The following PTPRD variants were observed in gnomAD, a reference collection of about 807,000 sequenced individuals.
PTPRD encodes the protein receptor-type tyrosine-protein phosphatase delta.
In PTPRD, 34 loss-of-function variants were observed where a neutral mutation model predicts 214.5. The ratio of observed to expected loss-of-function variants is 0.16; its 90% CI spans 0.12 to 0.21. PTPRD has a LOEUF of 0.21. Among genes scored for constraint, PTPRD ranks in the 10% least tolerant of loss-of-function variants. The probability of loss-of-function intolerance (pLI) is 1.00; values close to 1 mark genes in which losing one functional copy is unlikely to be tolerated. For synonymous variants in PTPRD, 1,128 were observed against 845.7 expected, an observed-to-expected ratio of 1.33 and a Z score of -5.79; for missense variants, 2,545 against 2,398.7, an observed-to-expected ratio of 1.06 and a Z score of -1.27.
intron 3 of PTPRD, among the ~76,000 whole-genome samples, chr9:10,250,131 G>T (rs145084392): frequency 6.6e-6 from 1 of 152,182 alleles, no homozygotes; most frequent in African/African-American, 2.4e-5. Context: ...TGAGGATTAT[G>T]ATACCTTTAG....
At chr9:10,356,164 G>C (rs540295056) in intron 2 of PTPRD, among the ~76,000 whole-genome samples, 37 of 149,968 alleles carry the variant, frequency 2.5e-4, no homozygotes, top group African/African-American at 8.8e-4. Context: ...GCTCTGAACT[G>C]CCTGGCCACA....
chr9:8,420,623 G>C (rs772662030), intron 35 of PTPRD, among the ~76,000 whole-genome samples: 39 of 152,016 alleles, frequency 2.6e-4, no homozygotes, highest in Non-Finnish European at 4.7e-4. Flanking sequence ...AGCAGATGAA[G>C]ACTTAAGGAA....
intron 9 of PTPRD, among the ~76,000 whole-genome samples, chr9:9,187,950 A>G (rs553339381): frequency 2.8e-4 from 42 of 152,042 alleles, no homozygotes; most frequent in Non-Finnish European, 5.0e-4. Flanking sequence ...TAATGCACTT[A>G]TAGAAAAGTA....
intron 5 of PTPRD, among the ~76,000 whole-genome samples, chr9:9,789,296 G>C (rs1290293954): frequency 6.6e-6 from 1 of 152,212 alleles, no homozygotes; most frequent in African/African-American, 2.4e-5. Flanking sequence ...CTATAGGCAA[G>C]TTCCCGTAGC....
At chr9:8,694,728 T>C (rs1412239448) in intron 12 of PTPRD, among the ~76,000 whole-genome samples, 1 of 152,214 alleles carries the variant, frequency 6.6e-6, no homozygotes, top group Non-Finnish European at 1.5e-5. Flanking sequence ...ATATAATAAA[T>C]ACCTATTATT....
intron 3 of PTPRD, among the ~76,000 whole-genome samples, chr9:10,283,103 C>T (rs560230242): frequency 7.3e-5 from 11 of 151,458 alleles, no homozygotes; most frequent in African/African-American, 2.4e-4. Context: ...TACCATAATT[C>T]CTCAAAACCT....
At chr9:9,755,106 C>T (rs977504425) in intron 6 of PTPRD, among the ~76,000 whole-genome samples, 5 of 151,946 alleles carry the variant, frequency 3.3e-5, no homozygotes, top group Non-Finnish European at 7.4e-5. Flanking sequence ...GCATATTAAA[C>T]AAGATCTCCA....
chr9:9,894,649 C>A (rs2074431324), intron 5 of PTPRD, among the ~76,000 whole-genome samples: 1 of 152,092 alleles, frequency 6.6e-6, no homozygotes, highest in South Asian at 2.1e-4. Flanking sequence ...GCTTTTCTTC[C>A]TAAGAACTTT....
intron 4 of PTPRD, among the ~76,000 whole-genome samples, chr9:10,001,541 T>C (rs927469246): frequency 6.6e-6 from 1 of 152,064 alleles, no homozygotes; most frequent in Non-Finnish European, 1.5e-5. Flanking sequence ...TCACTGTCAA[T>C]AAGATTAAAA....
chr9:8,840,622 T>C (rs140791349), intron 11 of PTPRD, among the ~76,000 whole-genome samples: 20 of 152,346 alleles, frequency 1.3e-4, no homozygotes, highest in African/African-American at 4.6e-4. Flanking sequence ...TGGGATGATT[T>C]ATATTTCTAT....
chr9:8,844,113 AAAG>A (rs1211443832), intron 11 of PTPRD, among the ~76,000 whole-genome samples: 14 of 152,218 alleles, frequency 9.2e-5, no homozygotes, highest in Admixed American at 2.0e-4. Flanking sequence ...AAATATTCCA[AAAG>A]AAGAGTTTTA....
chr9:10,310,350 A>C (rs143313179), intron 3 of PTPRD, among the ~76,000 whole-genome samples: 33 of 152,204 alleles, frequency 2.2e-4, no homozygotes, highest in African/African-American at 7.9e-4. Flanking sequence ...GCCAACTGAT[A>C]CAAAAATGGA....
intron 5 of PTPRD, among the ~76,000 whole-genome samples, chr9:9,869,008 T>G (rs751583735): frequency 6.4e-4 from 98 of 152,246 alleles, no homozygotes; most frequent in Middle Eastern, 3.4e-3. Flanking sequence ...TGCATCTAAT[T>G]AAGAGGCATA....
At chr9:9,828,991 T>C (rs2053931155) in intron 5 of PTPRD, among the ~76,000 whole-genome samples, 1 of 151,968 alleles carries the variant, frequency 6.6e-6, no homozygotes, top group Admixed American at 6.6e-5. Context: ...TCCTGCCTAA[T>C]ACATCTGAAA....
chr9:10,260,512 C>T (rs1267686380), intron 3 of PTPRD, among the ~76,000 whole-genome samples: 1 of 152,086 alleles, frequency 6.6e-6, no homozygotes, highest in Non-Finnish European at 1.5e-5. Flanking sequence ...TCCCTCAAAC[C>T]TCAGCATTTC....
At chr9:10,010,903 C>A (rs538189209) in intron 4 of PTPRD, among the ~76,000 whole-genome samples, 1 of 151,750 alleles carries the variant, frequency 6.6e-6, no homozygotes, top group Non-Finnish European at 1.5e-5. Flanking sequence ...AAAAAAAAAT[C>A]TAGGTAACAT....
intron 9 of PTPRD, among the ~76,000 whole-genome samples, chr9:9,328,074 T>C (rs941412843): frequency 6.6e-6 from 1 of 152,150 alleles, no homozygotes; most frequent in African/African-American, 2.4e-5. Flanking sequence ...AAGAGTGCTA[T>C]TGATGATTCC....
chr9:9,540,923 A>G (rs16929718), intron 8 of PTPRD, among the ~76,000 whole-genome samples: 33,994 of 151,780 alleles, frequency 0.22, 4,181 homozygotes, highest in Non-Finnish European at 0.26. Flanking sequence ...TACTAAGAAC[A>G]ATAGATAAGC....
intron 10 of PTPRD, among the ~76,000 whole-genome samples, chr9:9,097,047 A>G (rs1203642397): frequency 6.6e-6 from 1 of 152,216 alleles, no homozygotes; most frequent in Non-Finnish European, 1.5e-5. Context: ...TTTATCATCA[A>G]AATACACATT....
Sources: gnomAD v4.1 joint callset for allele counts (sites outside exome capture counted in the v4.1 genomes callset) on GRCh38, gnomAD v4.1.1 for gene constraint, MANE v1.5 for transcripts, NCBI Gene and HGNC (gene_info 2026-07-23, HGNC 2026-07-21) for gene names.